Variants in PRKAG2 observed in about 807,000 individuals in gnomAD.
The protein encoded by PRKAG2 is protein kinase AMP-activated non-catalytic subunit gamma 2.
A neutral mutation model predicts 69.6 loss-of-function variants in PRKAG2; 26 were observed. The ratio of observed to expected loss-of-function variants is 0.37; its 90% CI spans 0.27 to 0.52. PRKAG2 has a LOEUF of 0.52. Among genes scored for constraint, PRKAG2 ranks in the 20% least tolerant of loss-of-function variants. The pLI, the probability that PRKAG2 is intolerant of heterozygous loss-of-function variation, is 0.90. For missense variants in PRKAG2, 557 were observed against 740.0 expected (o/e 0.75, Z 2.87); for synonymous variants, 293 against 285.0 (o/e 1.03, Z -0.28).
intron 4 of PRKAG2, among the ~76,000 whole-genome samples, chr7:151,673,369 C>T (rs1302301521): frequency 6.6e-6 from 1 of 152,146 alleles, no homozygotes; most frequent in Non-Finnish European, 1.5e-5. Context: ...AGGCTCAGCC[C>T]AGCAGGTGAC....
intron 3 of PRKAG2, among the ~76,000 whole-genome samples, chr7:151,693,068 C>T (rs557884103): frequency 1.3e-4 from 20 of 152,296 alleles, no homozygotes; most frequent in South Asian, 2.1e-4. Flanking sequence ...AGGGAGATCC[C>T]ACTCCTTCAC....
intron 3 of PRKAG2, among the ~76,000 whole-genome samples, chr7:151,733,970 C>A (rs1799365558): frequency 6.6e-6 from 1 of 152,152 alleles, no homozygotes; most frequent in South Asian, 2.1e-4. Context: ...GCTGGGAATG[C>A]AGGCTTGAGC....
chr7:151,657,821 GT>G (rs1162441581), intron 4 of PRKAG2, among the ~76,000 whole-genome samples: 1 of 152,290 alleles, frequency 6.6e-6, no homozygotes, highest in East Asian at 1.9e-4. Context: ...TCAAATGCTT[GT>G]TTTTATTTGT....
At chr7:151,650,420 A>G (rs1341242038) in intron 4 of PRKAG2, among the ~76,000 whole-genome samples, 2 of 152,214 alleles carry the variant, frequency 1.3e-5, no homozygotes, top group East Asian at 1.9e-4. Flanking sequence ...TTGGAACCAG[A>G]GCAGGGGAAG....
At chr7:151,767,195 G>A (rs2075779475) in intron 3 of PRKAG2, among the ~76,000 whole-genome samples, 1 of 152,202 alleles carries the variant, frequency 6.6e-6, no homozygotes, top group African/African-American at 2.4e-5. Context: ...AGAAAGAACA[G>A]ACGCATGGAA....
At chr7:151,763,932 T>C (rs2075582714) in intron 3 of PRKAG2, among the ~76,000 whole-genome samples, 1 of 152,240 alleles carries the variant, frequency 6.6e-6, no homozygotes, top group South Asian at 2.1e-4. Context: ...GGACAGAACA[T>C]GCAGCCTCAC....
chr7:151,697,502 G>C (rs1836884571), intron 3 of PRKAG2, among the ~76,000 whole-genome samples: 1 of 152,154 alleles, frequency 6.6e-6, no homozygotes, highest in Non-Finnish European at 1.5e-5. Flanking sequence ...TGGAAGTGAG[G>C]GTCACAGGAA....
At chr7:151,753,098 GCCGTTGT>G (rs1421570813) in intron 3 of PRKAG2, among the ~76,000 whole-genome samples, 1 of 152,260 alleles carries the variant, frequency 6.6e-6, no homozygotes, top group Non-Finnish European at 1.5e-5. Flanking sequence ...ACAAGAACTG[GCCGTTGT>G]CCTCCTGAAA....
chr7:151,865,881 G>A (rs1221287213), intron 1 of PRKAG2, among the ~76,000 whole-genome samples: 1 of 152,084 alleles, frequency 6.6e-6, no homozygotes, highest in Non-Finnish European at 1.5e-5. Context: ...TTAGCTGGGT[G>A]TGGTGGCGGG....
At chr7:151,565,582 C>T (rs1476673850) in intron 12 of PRKAG2, 138 bp downstream of exon 12, 18 of 1,221,744 alleles carry the variant, frequency 1.5e-5, no homozygotes, top group East Asian at 4.9e-5. Context: ...TACGATCCTG[C>T]GTGCCCCTTG....
intron 1 of PRKAG2, among the ~76,000 whole-genome samples, chr7:151,795,960 CAATATACATATTAAGAAA>C (rs1163412530): frequency 6.5e-5 from 9 of 138,970 alleles, no homozygotes; most frequent in Non-Finnish European, 1.4e-4. Context: ...GATTATATCT[CAATATACATATTAAGAAA>C]AATATGTATA....
intron 1 of PRKAG2, among the ~76,000 whole-genome samples, chr7:151,848,046 C>A (rs1296983399): frequency 6.6e-6 from 1 of 152,186 alleles, no homozygotes; most frequent in Non-Finnish European, 1.5e-5. Context: ...ACTACGCCAC[C>A]CCTCCCTCCT....
At chr7:151,806,832 T>G (rs1042315938) in intron 1 of PRKAG2, 11 of 372,886 alleles carry the variant, frequency 2.9e-5, no homozygotes, top group Non-Finnish European at 5.7e-5. Context: ...CTGGGCGTGT[T>G]GGTGCATGCT....
intron 1 of PRKAG2, among the ~76,000 whole-genome samples, chr7:151,813,351 T>G (rs2078518957): frequency 6.6e-6 from 1 of 151,966 alleles, no homozygotes; most frequent in Admixed American, 6.5e-5. Context: ...GGTTGAAAAT[T>G]CAGATGCACA....
rs1824763273 is a variant in PRKAG2 at position 151,632,264 on chromosome 7, G to C, written c.685-126C>G. 3.9e-6 allele frequency: 4 copies of C among 1,038,842 alleles called. No individual in the cohort carries two copies. Among genetic ancestry groups the C allele is most frequent in the Non-Finnish European group, 4.6e-6 (4 of 865,372 alleles). The allele number at this position is 1,038,842 out of a possible 1,614,324, so 64.4% of individuals were successfully genotyped here. Reference sequence around the variant, plus strand: ...GCCGCCGGGAGGAGGGGCCTGGCAGGGGACGCGGGCAGCGGGGGCCGGGGG... The same window carrying C: ...GCCGCCGGGAGGAGGGGCCTGGCAGCGGACGCGGGCAGCGGGGGCCGGGGG... On this transcript the variant is annotated intron_variant, in intron 4 of 15. Transcript: ENST00000287878. The surrounding 1 kb of genome is among the most constrained non-coding windows in gnomAD (Gnocchi z 4.2).
intron 3 of PRKAG2, 30 bp from the exon 4 acceptor site, chr7:151,675,667 G>A (rs1246431770): frequency 1.3e-6 from 2 of 1,582,362 alleles, no homozygotes; most frequent in Non-Finnish European, 1.7e-6. Flanking sequence ...GACGGTCAGA[G>A]GTCCGGCTTC....
At chr7:151,582,181 G>A (rs1229366722) in intron 6 of PRKAG2, among the ~76,000 whole-genome samples, 6 of 152,116 alleles carry the variant, frequency 3.9e-5, no homozygotes, top group Non-Finnish European at 5.9e-5. Flanking sequence ...ACAGGGTCTC[G>A]CTCTGTTGCC....
intron 1 of PRKAG2, among the ~76,000 whole-genome samples, chr7:151,799,046 C>T (rs1002960465): frequency 3.9e-5 from 6 of 152,274 alleles, no homozygotes; most frequent in South Asian, 4.1e-4. Flanking sequence ...CCCTGCCGAG[C>T]GGTGCCTGTC....
At position 151,565,339 on chromosome 7, in the gene PRKAG2, T is replaced by C. The variant is rs1489894918; in HGVS notation, c.1437+7A>G. ...GGTGACAGATTGAACAAAATTAAAATACTTACAATTACATCAAATTTGGAA... is the reference window on the plus strand; with the variant it reads ...GGTGACAGATTGAACAAAATTAAAACACTTACAATTACATCAAATTTGGAA... On this transcript the variant is annotated splice_region_variant and intron_variant, in intron 13 of 15. Coordinates refer to ENST00000287878, the MANE Select transcript of PRKAG2 (RefSeq NM_016203.4). 3.6e-6 allele frequency: 5 copies of C among 1,382,586 alleles called. No homozygotes were observed. The African/African-American group carries it at 5.7e-5, about 16-fold the overall frequency. 85.6% of individuals were successfully genotyped at this position (1,382,586 alleles called of 1,614,324 possible). A position where few individuals can be genotyped will look rare whatever the true frequency, so the allele number is the denominator to read the frequency against.
Sources: gnomAD v4.1 joint callset for allele counts (sites outside exome capture counted in the v4.1 genomes callset) on GRCh38, gnomAD v4.1.1 for gene constraint, Gnocchi (gnomAD v3.1) non-coding constraint, MANE v1.5 for transcripts, NCBI Gene and HGNC (gene_info 2026-07-23, HGNC 2026-07-21) for gene names.